The following TUBGCP3 variants were observed in gnomAD, a reference collection of about 807,000 sequenced individuals.
TUBGCP3 encodes the protein tubulin gamma complex component 3.
In TUBGCP3, 50 loss-of-function variants were observed where a neutral mutation model predicts 123.1. The ratio of observed to expected loss-of-function variants is 0.41; its 90% confidence interval spans 0.32 to 0.51. The LOEUF (loss-of-function observed/expected upper bound fraction) is 0.51. Ranked by LOEUF, TUBGCP3 falls within the 20% of genes least tolerant of loss-of-function variation. TUBGCP3 has a pLI of 0.36. For synonymous variants in TUBGCP3, 405 were observed against 413.9 expected, an observed-to-expected ratio of 0.98 and a Z score of 0.26; for missense variants, 882 against 1,127.0, an observed-to-expected ratio of 0.78 and a Z score of 3.11.
intron 1 of TUBGCP3, among the ~76,000 whole-genome samples, chr13:112,570,320 C>T (rs1334027876): frequency 3.3e-5 from 5 of 152,184 alleles, no homozygotes; most frequent in Admixed American, 3.3e-4. Context: ...AACAAGCACA[C>T]GGGTCTTTGT....
At position 112,527,053 on chromosome 13, in the gene TUBGCP3, A is replaced by G. The variant is rs1043318378; in HGVS notation, c.1447-3T>C. ...ATTGATTTTCCTATCAAAAGGACCT[A>G]AAAAGAAAAACATTCTATGATTACT... On this transcript the variant is annotated splice_region_variant and splice_polypyrimidine_tract_variant and intron_variant, in intron 12 of 21. Coordinates refer to ENST00000261965, the MANE Select transcript of TUBGCP3 (RefSeq NM_006322.6). 2 of 1,607,082 alleles carry G rather than the reference A, an allele frequency of 1.2e-6. No homozygotes were observed. Among genetic ancestry groups the G allele is most frequent in the African/African-American group, 1.3e-5 (1 of 74,794 alleles).
chr13:112,547,608 C>T lies in TUBGCP3; in HGVS notation c.1168+12G>A, dbSNP rs772613657. 14 of 1,491,252 alleles carry T rather than the reference C, an allele frequency of 9.4e-6. No individual in the cohort carries two copies. The African/African-American group carries it at 1.0e-4, about 11-fold the overall frequency. 92.4% of individuals were successfully genotyped at this position (1,491,252 alleles called of 1,614,324 possible). ...GTGGGAAAGACGTGCGTGGGAAAGA[C>T]GCGCGTGGGACCTTGGCAGTGGTCC... On this transcript the variant is annotated intron_variant, in intron 10 of 21. Coordinates refer to ENST00000261965, the MANE Select transcript of TUBGCP3 (RefSeq NM_006322.6).
In TUBGCP3 at chr13:112,508,541, C is replaced by T. The variant is rs922543914; in HGVS notation, c.2087-3827G>A. Among the ~76,000 whole-genome samples, 6 of 152,166 alleles carry T rather than the reference C, an allele frequency of 3.9e-5. No homozygotes were observed. The highest frequency in any genetic ancestry group is 1.9e-4 in the East Asian group (1 of 5,172). ...GCACCCTGTGAGACTGCAGTTCCCA[C>T]GCACTGATGTCCCTTCCACATTCCA... On this transcript the variant is annotated intron_variant, in intron 17 of 21. Transcript: ENST00000261965. The surrounding 1 kb of genome is among the most constrained non-coding windows in gnomAD (Gnocchi z 4.2).
At chr13:112,574,334 CT>C (rs1165638499) in intron 1 of TUBGCP3, among the ~76,000 whole-genome samples, 1 of 148,920 alleles carries the variant, frequency 6.7e-6, no homozygotes, top group Non-Finnish European at 1.5e-5. Context: ...TGGCTTCCCC[CT>C]GCCCAATCCA....
intron 8 of TUBGCP3, among the ~76,000 whole-genome samples, chr13:112,549,793 T>C (rs1025030675): frequency 6.6e-6 from 1 of 151,612 alleles, no homozygotes. Context: ...ATCGAGACCA[T>C]CCTGGCTAAC....
At chr13:112,553,764 C>G (rs566289854) in intron 8 of TUBGCP3, among the ~76,000 whole-genome samples, 1 of 152,348 alleles carries the variant, frequency 6.6e-6, no homozygotes, top group East Asian at 1.9e-4. Context: ...GGCAGGGCCC[C>G]CTTCGAGCGT....
intron 17 of TUBGCP3, among the ~76,000 whole-genome samples, chr13:112,510,295 G>C (rs1374646551): frequency 6.6e-6 from 1 of 152,180 alleles, no homozygotes; most frequent in African/African-American, 2.4e-5. Context: ...TGCCCCTATA[G>C]ATAGCATCGA....
intron 1 of TUBGCP3, among the ~76,000 whole-genome samples, chr13:112,577,737 T>C (rs896987387): frequency 3.3e-5 from 5 of 152,218 alleles, no homozygotes; most frequent in Admixed American, 2.0e-4. Flanking sequence ...AAGTCTATCA[T>C]CATTCTAAAA....
At chr13:112,569,954 CAAG>C (rs1881273104) in intron 1 of TUBGCP3, among the ~76,000 whole-genome samples, 2 of 152,016 alleles carry the variant, frequency 1.3e-5, no homozygotes, top group African/African-American at 4.8e-5. Context: ...GAATAAATGT[CAAG>C]AAGAAATAAC....
chr13:112,505,869 AAGG>A (rs1364750560), intron 17 of TUBGCP3, among the ~76,000 whole-genome samples: 1 of 152,120 alleles, frequency 6.6e-6, no homozygotes, highest in Non-Finnish European at 1.5e-5. Flanking sequence ...GCACTTGGGA[AAGG>A]AGGAGGACGT....
intron 1 of TUBGCP3, among the ~76,000 whole-genome samples, chr13:112,579,798 C>T (rs1882154221): frequency 6.6e-6 from 1 of 152,258 alleles, no homozygotes; most frequent in African/African-American, 2.4e-5. Flanking sequence ...AAACAATGAG[C>T]ATGCACCTGC....
In TUBGCP3 at chr13:112,486,335, G is replaced by A. The variant is rs1050279269; in HGVS notation, c.2566-184C>T. On this transcript the variant is annotated intron_variant, in intron 21 of 21. Coordinates refer to ENST00000261965, the MANE Select transcript of TUBGCP3 (RefSeq NM_006322.6). ...GCTGCTGGGACCCTGGAGTGCACAC[G>A]GCCAGTGCACCTGCATTAGGAATGG... Among the ~76,000 whole-genome samples the A allele has an allele frequency of 7.2e-5, 11 of 152,192 alleles. No individual in the cohort carries two copies. The East Asian group carries it at 1.7e-3, about 24-fold the overall frequency.
At chr13:112,597,759 A>C in the TUBGCP3 span, among the ~76,000 whole-genome samples, 3 of 152,224 alleles carry the variant, frequency 2.0e-5, no homozygotes, top group Non-Finnish European at 2.9e-5. Flanking sequence ...AGACACATGA[A>C]AACATGCTGA....
intron 10 of TUBGCP3, 34 bp downstream of exon 10, chr13:112,547,586 G>T: frequency 6.9e-7 from 1 of 1,451,856 alleles, no homozygotes; most frequent in Non-Finnish European, 9.2e-7. Flanking sequence ...GTCGCGCGTG[G>T]GAAAGACGTG....
chr13:112,604,252 G>A, the TUBGCP3 span: 1 of 151,896 alleles, frequency 6.6e-6, no homozygotes, highest in Non-Finnish European at 1.5e-5. Flanking sequence ...GTTTTCTTTG[G>A]GTATCTTTTA....
intron 1 of TUBGCP3, among the ~76,000 whole-genome samples, chr13:112,582,845 T>C (rs1464023031): frequency 6.6e-6 from 1 of 152,176 alleles, no homozygotes; most frequent in Non-Finnish European, 1.5e-5. Context: ...ATTATTTCAA[T>C]GAATGCAAGG....
intron 13 of TUBGCP3, 133 bp downstream of exon 13, chr13:112,526,809 C>T (rs1877165861): frequency 1.8e-5 from 12 of 669,492 alleles, no homozygotes; most frequent in Middle Eastern, 2.5e-4. Context: ...CATCACATCA[C>T]CATCATCCCC....
At chr13:112,489,517 C>A (rs1311193797) in intron 21 of TUBGCP3, 64 bp downstream of exon 21, 14 of 1,172,248 alleles carry the variant, frequency 1.2e-5, no homozygotes, top group Non-Finnish European at 1.7e-5. Context: ...ACTGTGAAAG[C>A]AACTGTCAGG....
At chr13:112,520,119 A>C (rs1876490719) in intron 14 of TUBGCP3, 98 bp from the exon 15 acceptor site, 2 of 1,234,682 alleles carry the variant, frequency 1.6e-6, no homozygotes, top group South Asian at 1.7e-5. Flanking sequence ...TCAAATTATA[A>C]AAACTCAAAA....
Sources: allele counts gnomAD v4.1 joint callset (sites outside exome capture counted in the v4.1 genomes callset), GRCh38; gene constraint gnomAD v4.1.1; non-coding constraint Gnocchi (gnomAD v3.1); transcripts MANE v1.5; gene names NCBI Gene and HGNC (gene_info 2026-07-23, HGNC 2026-07-21).